Variants in TCF4 observed in about 807,000 individuals in gnomAD.
TCF4 encodes SL3-3 enhancer factor 2.
In TCF4, 3 loss-of-function variants were observed where a neutral mutation model predicts 82.1. The observed-to-expected ratio is 0.04, with a 90% CI of 0.02 to 0.09. The LOEUF is 0.09. Ranked by LOEUF, TCF4 falls within the 10% of genes least tolerant of loss-of-function variation. The probability of loss-of-function intolerance (pLI) is 1.00; values close to 1 mark genes in which losing one functional copy is unlikely to be tolerated. For missense variants in TCF4, 518 were observed against 852.7 expected, an observed-to-expected ratio of 0.61 and a Z score of 4.89; for synonymous variants, 276 against 309.6, an observed-to-expected ratio of 0.89 and a Z score of 1.14.
intron 3 of TCF4, among the ~76,000 whole-genome samples, chr18:55,546,131 T>TA (rs2097205081): frequency 6.6e-6 from 1 of 151,628 alleles, no homozygotes; most frequent in African/African-American, 2.4e-5. Flanking sequence ...AGCCCAGGAG[T>TA]AAGAGACCAG....
At chr18:55,399,622 G>C (rs972820529) in intron 6 of TCF4, among the ~76,000 whole-genome samples, 1 of 151,994 alleles carries the variant, frequency 6.6e-6, no homozygotes, top group East Asian at 1.9e-4. Context: ...TCCATGCCTT[G>C]AATAATCAAA....
chr18:55,594,235 A>G (rs1036876247), intron 2 of TCF4, among the ~76,000 whole-genome samples: 1 of 152,122 alleles, frequency 6.6e-6, no homozygotes, highest in African/African-American at 2.4e-5. Flanking sequence ...ACCTCCTCCT[A>G]CAGACCTTCC....
At chr18:55,424,307 T>C (rs1556309112) in intron 5 of TCF4, among the ~76,000 whole-genome samples, 1 of 152,190 alleles carries the variant, frequency 6.6e-6, no homozygotes, top group Non-Finnish European at 1.5e-5. Context: ...TCTCAAGATT[T>C]TGTGTCTTAA....
chr18:55,264,324 T>C (rs1325739861), intron 11 of TCF4, among the ~76,000 whole-genome samples: 1 of 152,182 alleles, frequency 6.6e-6, no homozygotes, highest in Non-Finnish European at 1.5e-5. Context: ...TTTTTTAACA[T>C]GAAGCGATTT....
chr18:55,422,178 G>A, intron 5 of TCF4: 2 of 940,374 alleles, frequency 2.1e-6, no homozygotes, highest in African/African-American at 3.6e-5. Context: ...TCGAATACTT[G>A]CTTTTCTTTC....
intron 6 of TCF4, among the ~76,000 whole-genome samples, chr18:55,380,389 C>T (rs972648152): frequency 6.6e-6 from 1 of 151,976 alleles, no homozygotes; most frequent in African/African-American, 2.4e-5. Context: ...CATCTACATC[C>T]GGTATTTCTC....
At position 55,254,677 on chromosome 18, in the gene TCF4, T is replaced by C. The variant is rs1485905826; in HGVS notation, c.1170A>G (p.Leu390=). ...CATGAATAGCATCATCCAGTCTTTCTAAACGATCTTCAATTCGGCTTTGCT... is the reference window on the plus strand; with the variant it reads ...CATGAATAGCATCATCCAGTCTTTCCAAACGATCTTCAATTCGGCTTTGCT... ...HSLQSRIEDR[L]ERLDDAIHVL... is the part of the protein sequence containing the mutation. Residue 390 remains leucine, a synonymous_variant, in exon 15 of 20, where the codon TTA becomes TTG. Coordinates refer to ENST00000354452, the MANE Select transcript of TCF4 (RefSeq NM_001083962.2). 1 of 1,612,240 alleles carries C rather than the reference T, an allele frequency of 6.2e-7. No homozygotes were observed. Among genetic ancestry groups the C allele is most frequent in the Non-Finnish European group, 8.5e-7 (1 of 1,179,244 alleles).
At position 55,222,542 on chromosome 18, in the gene TCF4, G is replaced by A. The variant is rs1045639605; in HGVS notation, c.*5493C>T. ...GCACTTCACATGTGAACCAAATGGC[G>A]TTATAACATTTTCCTTCAACTAGTC... is the stretch of plus-strand genomic sequence containing the variant. On this transcript the variant is annotated 3_prime_UTR_variant, in exon 20 of 20. Coordinates refer to ENST00000354452, the MANE Select transcript of TCF4 (RefSeq NM_001083962.2). 5.9e-5 allele frequency: 9 copies of A among 151,430 alleles called. No homozygotes were observed. The highest frequency in any genetic ancestry group is 2.2e-4 in the African/African-American group (9 of 41,108). 9.4% of individuals were successfully genotyped at this position (151,430 alleles called of 1,614,324 possible).
At chr18:55,534,467 C>A (rs780331871) in intron 3 of TCF4, among the ~76,000 whole-genome samples, 8 of 152,194 alleles carry the variant, frequency 5.3e-5, no homozygotes, top group Non-Finnish European at 7.3e-5. Flanking sequence ...GGCTCCAAGC[C>A]CCTCTACTCC....
At chr18:55,470,813 T>C (rs1781509495) in intron 3 of TCF4, among the ~76,000 whole-genome samples, 1 of 152,320 alleles carries the variant, frequency 6.6e-6, no homozygotes, top group African/African-American at 2.4e-5. Flanking sequence ...TTAATAAAAA[T>C]TTCAACACAT....
intron 8 of TCF4, among the ~76,000 whole-genome samples, chr18:55,348,310 T>C (rs1321752557): frequency 1.3e-5 from 2 of 152,082 alleles, no homozygotes; most frequent in Non-Finnish European, 2.9e-5. Flanking sequence ...CAATAAAAAT[T>C]TCATTTTGAA....
chr18:55,479,450 A>C (rs1021898335), intron 3 of TCF4, among the ~76,000 whole-genome samples: 3 of 152,008 alleles, frequency 2.0e-5, no homozygotes, highest in African/African-American at 7.2e-5. Flanking sequence ...ACCAATCCCC[A>C]TCTCTTTCTG....
chr18:55,276,295 T>C (rs1439540411), intron 9 of TCF4, among the ~76,000 whole-genome samples: 1 of 152,188 alleles, frequency 6.6e-6, no homozygotes, highest in Admixed American at 6.5e-5. Context: ...AAGATGAATC[T>C]CAAATATATA....
At chr18:55,354,957 A>T (rs937734238) in intron 6 of TCF4, among the ~76,000 whole-genome samples, 5 of 152,144 alleles carry the variant, frequency 3.3e-5, no homozygotes, top group African/African-American at 1.2e-4. Flanking sequence ...TCTTGGGGGG[A>T]TGTTGCAGAA....
intron 3 of TCF4, among the ~76,000 whole-genome samples, chr18:55,542,927 T>C (rs959576278): frequency 6.6e-6 from 1 of 152,110 alleles, no homozygotes; most frequent in Non-Finnish European, 1.5e-5. Flanking sequence ...CCCATTTGTC[T>C]GTTGATGATA....
intron 15 of TCF4, among the ~76,000 whole-genome samples, chr18:55,251,373 C>G (rs2055049920): frequency 6.6e-6 from 1 of 151,886 alleles, no homozygotes; most frequent in Non-Finnish European, 1.5e-5. Context: ...CACTGAAGAC[C>G]TACTTCAGAA....
chr18:55,602,286 A>G (rs2097697909), intron 2 of TCF4, among the ~76,000 whole-genome samples: 1 of 152,222 alleles, frequency 6.6e-6, no homozygotes, highest in Admixed American at 6.5e-5. Context: ...TTTCAGGGTC[A>G]GGGTCAGAAC....
At chr18:55,503,845 T>C (rs1256825643) in intron 3 of TCF4, among the ~76,000 whole-genome samples, 3 of 152,098 alleles carry the variant, frequency 2.0e-5, no homozygotes, top group Non-Finnish European at 4.4e-5. Flanking sequence ...GAGGCCGAGG[T>C]GGACGGATCA....
chr18:55,468,193 A>G (rs1229284307), intron 3 of TCF4, among the ~76,000 whole-genome samples: 1 of 152,250 alleles, frequency 6.6e-6, no homozygotes, highest in Admixed American at 6.5e-5. Flanking sequence ...GAAGGACCCA[A>G]GTGACTGCAA....
Sources: gnomAD v4.1 joint callset for allele counts (sites outside exome capture counted in the v4.1 genomes callset) on GRCh38, gnomAD v4.1.1 for gene constraint, MANE v1.5 for transcripts, NCBI Gene and HGNC (gene_info 2026-07-23, HGNC 2026-07-21) for gene names.